DIP2C: variants seen among roughly 807,000 people sequenced by gnomAD.
DIP2C encodes disco-interacting protein 2 homolog C.
In DIP2C, 33 loss-of-function variants were observed where a neutral mutation model predicts 192.4. The observed-to-expected ratio is 0.17, with a 90% CI of 0.13 to 0.23. The LOEUF (loss-of-function observed/expected upper bound fraction) is 0.23, where lower values mean the gene tolerates loss of function less well. Ranked by LOEUF, DIP2C falls within the 10% of genes least tolerant of loss-of-function variation. DIP2C has a pLI of 1.00. For missense variants in DIP2C, 1,537 were observed against 2,110.1 expected, an observed-to-expected ratio of 0.73 and a Z score of 5.32; for synonymous variants, 979 against 864.1, an observed-to-expected ratio of 1.13 and a Z score of -2.33.
chr10:440,815 C>T, intron 4 of DIP2C, 56 bp downstream of exon 4: 1 of 1,558,404 alleles, frequency 6.4e-7, no homozygotes, highest in Non-Finnish European at 8.6e-7. Flanking sequence ...TGGGCTAGGT[C>T]AATTCTGAGG....
chr10:560,946 G>A (rs1257807088), intron 1 of DIP2C, among the ~76,000 whole-genome samples: 3 of 152,048 alleles, frequency 2.0e-5, no homozygotes, highest in African/African-American at 7.3e-5. Flanking sequence ...ACAAAGCCTT[G>A]GTCTCCACAC....
chr10:476,388 G>A lies in DIP2C; in HGVS notation c.158-3839C>T, dbSNP rs11252634. Among the ~76,000 whole-genome samples the A allele has an allele frequency of 8.6e-3, 1,313 of 152,304 alleles. 22 individuals are homozygous for A. Among genetic ancestry groups the A allele is most frequent in the African/African-American group, 0.029 (1,221 of 41,570 alleles). Reference sequence around the variant, plus strand: ...TGTCATTCTGTGGGATCCTAGGCAAGTTTGTGAACTTTCCTAGGCTCAGCC... The same window carrying A: ...TGTCATTCTGTGGGATCCTAGGCAAATTTGTGAACTTTCCTAGGCTCAGCC... On this transcript the variant is annotated intron_variant, in intron 2 of 36. Coordinates refer to ENST00000280886, the MANE Select transcript of DIP2C (RefSeq NM_014974.3).
At chr10:476,241 C>T (rs781060723) in intron 2 of DIP2C, among the ~76,000 whole-genome samples, 9 of 152,158 alleles carry the variant, frequency 5.9e-5, no homozygotes, top group Non-Finnish European at 1.2e-4. Flanking sequence ...AGATGAGGTT[C>T]TCCTCCCAGG....
chr10:333,730 T>C (rs1445957595), intron 29 of DIP2C, among the ~76,000 whole-genome samples: 2 of 152,228 alleles, frequency 1.3e-5, no homozygotes, highest in Admixed American at 6.5e-5. Context: ...CCACTATCAA[T>C]GTATGAGAAT....
chr10:585,286 T>C (rs1424525750), intron 1 of DIP2C, among the ~76,000 whole-genome samples: 1 of 152,236 alleles, frequency 6.6e-6, no homozygotes, highest in Non-Finnish European at 1.5e-5. Flanking sequence ...CCAGCGGGCA[T>C]CGCCCTCACA....
At chr10:580,877 T>A (rs1358478412) in intron 1 of DIP2C, among the ~76,000 whole-genome samples, 2 of 152,238 alleles carry the variant, frequency 1.3e-5, no homozygotes, top group Admixed American at 1.3e-4. Flanking sequence ...GTTCAGAGGT[T>A]TCCTAACATA....
chr10:536,336 T>TATC (rs1195468489), intron 1 of DIP2C, among the ~76,000 whole-genome samples: 1 of 151,186 alleles, frequency 6.6e-6, no homozygotes, highest in Non-Finnish European at 1.5e-5. Context: ...GAGAGCATGG[T>TATC]ATCTATCTGC....
rs1362299404 is a variant in DIP2C at position 651,390 on chromosome 10, T to C, written c.85+38104A>G. The C allele has an allele frequency of 1.4e-6, 1 of 700,726 alleles. No homozygotes were observed. The highest frequency in any genetic ancestry group is 2.6e-6 in the Non-Finnish European group (1 of 384,046). The allele number at this position is 700,726 out of a possible 1,614,324, so 43.4% of individuals were successfully genotyped here. On this transcript the variant is annotated intron_variant, in intron 1 of 36. Transcript: ENST00000280886. The surrounding 1 kb of genome is among the most constrained non-coding windows in gnomAD (Gnocchi z 4.1). ...AGGTCCCAGGGAGGCCCCAGCAAAC[T>C]GTGGAACAACCAAACTCGTGACTGA...
intron 1 of DIP2C, among the ~76,000 whole-genome samples, chr10:633,710 C>G (rs1854663769): frequency 6.6e-6 from 1 of 152,218 alleles, no homozygotes; most frequent in African/African-American, 2.4e-5. Flanking sequence ...ATTAAGAAAA[C>G]TGACTAAAAA....
intron 1 of DIP2C, among the ~76,000 whole-genome samples, chr10:492,533 TA>T (rs1024638633): frequency 1.3e-5 from 2 of 152,238 alleles, no homozygotes; most frequent in African/African-American, 2.4e-5. Flanking sequence ...TTTTGCTTAA[TA>T]AAAAACATTA....
intron 29 of DIP2C, among the ~76,000 whole-genome samples, chr10:333,378 T>G (rs1277609221): frequency 6.6e-6 from 1 of 152,224 alleles, no homozygotes; most frequent in African/African-American, 2.4e-5. Context: ...GTCAGTCCCA[T>G]TTCCAGCCCT....
At chr10:453,919 A>G (rs1969066661) in intron 3 of DIP2C, among the ~76,000 whole-genome samples, 1 of 152,244 alleles carries the variant, frequency 6.6e-6, no homozygotes, top group African/African-American at 2.4e-5. Flanking sequence ...CAGCAGCAGG[A>G]CCTGCTAGAG....
chr10:390,811 A>G lies in DIP2C; in HGVS notation c.1313T>C (p.Val438Ala). The change falls in exon 11 of 37, where the codon GTA (valine) becomes GCA (alanine). Residue 438 changes from valine to alanine, a missense_variant. By Grantham distance (64) the Val-to-Ala change is moderately conservative (BLOSUM62 0). Transcript: ENST00000280886. The stretch of plus-strand genomic sequence containing the variant: ...ATGGCAGGCGTCACTAGTCAAGGCT[A>G]CAGTAACTCCACAGCTTCCAAGCAA... Reference protein sequence around the residue: ...GFLLGSCGVTVALTSDACHKG... With the variant: ...GFLLGSCGVTAALTSDACHKG... The G allele has an allele frequency of 5.0e-6, 8 of 1,614,152 alleles. No homozygotes were observed. Among genetic ancestry groups the G allele is most frequent in the Non-Finnish European group, 6.8e-6 (8 of 1,180,018 alleles).
chr10:417,414 A>G (rs1965715898), intron 6 of DIP2C, among the ~76,000 whole-genome samples: 1 of 143,890 alleles, frequency 6.9e-6, no homozygotes, highest in Admixed American at 7.1e-5. Context: ...AATAACAAAA[A>G]TGGCCAATTT....
At chr10:549,523 C>T (rs1848480389) in intron 1 of DIP2C, among the ~76,000 whole-genome samples, 2 of 152,296 alleles carry the variant, frequency 1.3e-5, no homozygotes, top group South Asian at 4.1e-4. Context: ...ACCCATACAG[C>T]CTGCTTGGGC....
At chr10:426,077 C>T (rs939301852) in intron 4 of DIP2C, among the ~76,000 whole-genome samples, 3 of 152,098 alleles carry the variant, frequency 2.0e-5, no homozygotes, top group African/African-American at 7.2e-5. Flanking sequence ...AATAAAAGTG[C>T]CTTTATTCAT....
At chr10:531,085 G>A (rs1002095413) in intron 1 of DIP2C, among the ~76,000 whole-genome samples, 2 of 152,164 alleles carry the variant, frequency 1.3e-5, no homozygotes, top group African/African-American at 4.8e-5. Flanking sequence ...GCACATAAAC[G>A]TCTGCGCCCA....
intron 10 of DIP2C, among the ~76,000 whole-genome samples, chr10:397,076 G>A (rs927287999): frequency 1.3e-5 from 2 of 152,228 alleles, no homozygotes; most frequent in African/African-American, 2.4e-5. Flanking sequence ...CACAGACTCT[G>A]AAGAGATACC....
intron 1 of DIP2C, among the ~76,000 whole-genome samples, chr10:623,346 G>T (rs182107196): frequency 1.3e-5 from 2 of 151,848 alleles, no homozygotes; most frequent in Admixed American, 1.3e-4. Context: ...CGCTGCAGCC[G>T]TGCTGGCGAG....
Sources: allele counts gnomAD v4.1 joint callset (sites outside exome capture counted in the v4.1 genomes callset), GRCh38; gene constraint gnomAD v4.1.1; non-coding constraint Gnocchi (gnomAD v3.1); transcripts MANE v1.5; gene names NCBI Gene and HGNC (gene_info 2026-07-23, HGNC 2026-07-21).